Variants in SEZ6L observed in about 807,000 individuals in gnomAD.
The protein encoded by SEZ6L is seizure related 6 homolog like, also known as seizure 6-like protein.
SEZ6L carries 37 observed loss-of-function variants against 106.2 expected under a neutral mutation model. The ratio of observed to expected loss-of-function variants is 0.35; its 90% confidence interval spans 0.27 to 0.46. The LOEUF is 0.46. SEZ6L is among the 20% of genes least tolerant of loss of function. The pLI, the probability that SEZ6L is intolerant of heterozygous loss-of-function variation, is 1.00. For missense variants in SEZ6L, 1,172 were observed against 1,332.8 expected, an observed-to-expected ratio of 0.88 and a Z score of 1.88; for synonymous variants, 541 against 570.4, an observed-to-expected ratio of 0.95 and a Z score of 0.73.
intron 1 of SEZ6L, among the ~76,000 whole-genome samples, chr22:26,276,886 G>A (rs998281791): frequency 1.3e-5 from 2 of 152,320 alleles, no homozygotes; most frequent in African/African-American, 4.8e-5. Flanking sequence ...AAGATACAAG[G>A]GTAAGATCGT....
chr22:26,370,909 C>T (rs962243512), intron 13 of SEZ6L, among the ~76,000 whole-genome samples: 3 of 148,896 alleles, frequency 2.0e-5, no homozygotes, highest in African/African-American at 7.5e-5. Context: ...GAAGCTGAGG[C>T]AGGAGCACTG....
intron 13 of SEZ6L, among the ~76,000 whole-genome samples, chr22:26,373,099 T>C (rs1445180397): frequency 6.6e-6 from 1 of 152,208 alleles, no homozygotes; most frequent in African/African-American, 2.4e-5. Flanking sequence ...TTTGCTCATC[T>C]GTAAAATGGG....
At chr22:26,274,473 A>G (rs552970650) in intron 1 of SEZ6L, among the ~76,000 whole-genome samples, 7 of 152,254 alleles carry the variant, frequency 4.6e-5, no homozygotes, top group African/African-American at 1.7e-4. Flanking sequence ...GTAAGGGAAA[A>G]ACTTAGGGAG....
intron 12 of SEZ6L, among the ~76,000 whole-genome samples, chr22:26,355,385 G>A (rs2083408472): frequency 6.6e-6 from 1 of 152,192 alleles, no homozygotes; most frequent in South Asian, 2.1e-4. Context: ...GTGCTTAAGA[G>A]TGGACAAAGA....
intron 1 of SEZ6L, among the ~76,000 whole-genome samples, chr22:26,199,299 G>A: frequency 6.6e-6 from 1 of 152,170 alleles, no homozygotes; most frequent in East Asian, 1.9e-4. Flanking sequence ...AGTAGGGACT[G>A]AACACAGCTC....
chr22:26,357,492 CT>C (rs1437629157), intron 12 of SEZ6L, among the ~76,000 whole-genome samples: 1 of 152,190 alleles, frequency 6.6e-6, no homozygotes, highest in East Asian at 1.9e-4. Context: ...CCCTGATTTC[CT>C]AGGCCGGGTT....
intron 11 of SEZ6L, among the ~76,000 whole-genome samples, chr22:26,350,417 C>A (rs111606895): frequency 3.3e-5 from 5 of 151,066 alleles, no homozygotes; most frequent in Non-Finnish European, 5.9e-5. Context: ...TTGTAGGGAC[C>A]GGATCTTGCT....
chr22:26,340,362 A>G lies in SEZ6L; in HGVS notation c.2016-74A>G, dbSNP rs2082788912. The G allele has an allele frequency of 9.8e-6, 14 of 1,422,740 alleles. No individual in the cohort carries two copies. In the South Asian group the frequency reaches 1.3e-4, roughly 14 times the overall value. 88.1% of individuals were successfully genotyped at this position (1,422,740 alleles called of 1,614,324 possible). A position where few individuals can be genotyped will look rare whatever the true frequency, so the allele number is the denominator to read the frequency against. ...CACTTAACAAATTTTGTATTGCCTGAAAAAGTTAATCAAGGGTTTATTGAA... is the reference window on the plus strand; with the variant it reads ...CACTTAACAAATTTTGTATTGCCTGGAAAAGTTAATCAAGGGTTTATTGAA... On this transcript the variant is annotated intron_variant, in intron 9 of 16. Coordinates refer to ENST00000248933, the MANE Select transcript of SEZ6L (RefSeq NM_021115.5).
At chr22:26,172,374 G>A (rs1005191722) in intron 1 of SEZ6L, among the ~76,000 whole-genome samples, 1 of 152,110 alleles carries the variant, frequency 6.6e-6, no homozygotes, top group Non-Finnish European at 1.5e-5. Flanking sequence ...TGTTCATATG[G>A]CTCAGTTAGG....
rs150251826 is a variant in SEZ6L, at chr22:26,361,343, C to CAAAAAAAA, written c.2600-4024_2600-4023insAAAAAAAA. On this transcript the variant is annotated intron_variant, in intron 12 of 16. Coordinates refer to ENST00000248933, the MANE Select transcript of SEZ6L (RefSeq NM_021115.5). ...TGGAACCCCGTCTCTACTAAAAATA[C>CAAAAAAAA]AAAAACAAAAAAAATCAGCTAGGCT... is the stretch of plus-strand genomic sequence containing the variant. Among the ~76,000 whole-genome samples the CAAAAAAAA allele has an allele frequency of 4.3e-3, 569 of 133,356 alleles. 13 individuals carry two copies. The highest frequency in any genetic ancestry group is 0.019 in the Middle Eastern group (5 of 262). The allele number at this position is 133,356 out of a possible 152,430, so 87.5% of individuals were successfully genotyped here. A position where few individuals can be genotyped will look rare whatever the true frequency, so the allele number is the denominator to read the frequency against.
At chr22:26,336,857 G>T (rs1038687551) in intron 9 of SEZ6L, among the ~76,000 whole-genome samples, 15 of 152,062 alleles carry the variant, frequency 9.9e-5, no homozygotes, top group Non-Finnish European at 1.6e-4. Context: ...ACTGCCCCTA[G>T]TTGAAAACCA....
Position 26,292,673 on chromosome 22 carries a change from C to T in SEZ6L, c.362C>T (p.Ser121Leu), listed in dbSNP as rs151261975. The change falls in exon 2 of 17, where the codon TCG becomes TTG. Residue 121 changes from serine (S) to leucine (L), a missense_variant. Physicochemically the swap from Ser to Leu is moderately radical, Grantham distance 145 (BLOSUM62 -2). Around this residue, in one of 4 missense-constraint regions of SEZ6L, gnomAD observed 494 missense variants for 445.8 expected, o/e 1.11. Transcript: ENST00000248933. Reference protein sequence around the residue: ...HALPPKKKLPSLKQVNSARKQ... With the variant: ...HALPPKKKLPLLKQVNSARKQ... ...TTGCCCCCCAAGAAGAAACTGCCTT[C>T]GCTCAAGCAGGTGAACTCTGCCAGG... 5.6e-5 allele frequency: 90 copies of T among 1,613,292 alleles called. No individual in the cohort carries two copies. The highest frequency in any genetic ancestry group is 6.9e-5 in the Non-Finnish European group (82 of 1,179,902).
At chr22:26,244,934 A>G (rs4822696) in intron 1 of SEZ6L, among the ~76,000 whole-genome samples, 2 of 152,054 alleles carry the variant, frequency 1.3e-5, no homozygotes, top group African/African-American at 4.8e-5. Context: ...TTGCTCCTTC[A>G]GCAATGGGGA....
intron 1 of SEZ6L, among the ~76,000 whole-genome samples, chr22:26,258,350 A>G (rs1463892695): frequency 6.6e-6 from 1 of 152,208 alleles, no homozygotes; most frequent in Non-Finnish European, 1.5e-5. Flanking sequence ...ACAGTGTAAG[A>G]AGTGGGCAGG....
intron 1 of SEZ6L, among the ~76,000 whole-genome samples, chr22:26,240,061 C>G (rs575212046): frequency 6.8e-4 from 93 of 136,148 alleles, no homozygotes; most frequent in African/African-American, 2.8e-3. Context: ...CACATACACA[C>G]ATACAGACAC....
chr22:26,325,786 T>C (rs1264906743), intron 9 of SEZ6L, among the ~76,000 whole-genome samples: 4 of 152,034 alleles, frequency 2.6e-5, no homozygotes, highest in Non-Finnish European at 2.9e-5. Flanking sequence ...GATGAAATCA[T>C]ACCATGTGCA....
intron 1 of SEZ6L, among the ~76,000 whole-genome samples, chr22:26,245,964 C>A (rs929844608): frequency 3.9e-5 from 6 of 152,178 alleles, no homozygotes; most frequent in Non-Finnish European, 8.8e-5. Flanking sequence ...GTAGTTAGAA[C>A]GTGAAACTCT....
At chr22:26,222,504 T>C (rs573403508) in intron 1 of SEZ6L, among the ~76,000 whole-genome samples, 1 of 152,320 alleles carries the variant, frequency 6.6e-6, no homozygotes, top group East Asian at 1.9e-4. Context: ...TGAGCCCTTC[T>C]TGTGTTCTAG....
intron 12 of SEZ6L, 45 bp downstream of exon 12, chr22:26,351,288 A>T (rs766658123): frequency 1.3e-6 from 2 of 1,570,968 alleles, no homozygotes; most frequent in Non-Finnish European, 1.7e-6. Flanking sequence ...GTAGAAGCAG[A>T]TTCACTTTCT....
Sources: allele counts gnomAD v4.1 joint callset (sites outside exome capture counted in the v4.1 genomes callset), GRCh38; gene constraint gnomAD v4.1.1; regional missense constraint gnomAD v4.1.1; transcripts MANE v1.5; gene names NCBI Gene and HGNC (gene_info 2026-07-23, HGNC 2026-07-21).